Variants in SMCHD1 observed in about 807,000 individuals in gnomAD.
SMCHD1 encodes the protein structural maintenance of chromosomes flexible hinge domain containing 1, also known as structural maintenance of chromosomes flexible hinge domain-containing protein 1.
SMCHD1 carries 78 observed loss-of-function variants against 254.7 expected under a neutral mutation model. The observed-to-expected ratio is 0.31, with a 90% CI of 0.26 to 0.37. SMCHD1 has a LOEUF of 0.37. Ranked by LOEUF, SMCHD1 falls within the 10% of genes least tolerant of loss-of-function variation. The pLI is 1.00. For synonymous variants in SMCHD1, 766 were observed against 794.9 expected (o/e 0.96, Z 0.61); for missense variants, 1,840 against 2,408.1 (o/e 0.76, Z 4.94).
chr18:2,772,754 C>A (rs181375808), intron 41 of SMCHD1, among the ~76,000 whole-genome samples: 262 of 152,336 alleles, frequency 1.7e-3, no homozygotes, highest in Non-Finnish European at 3.3e-3. Context: ...CCTCAGCCCC[C>A]CAAGTAGCTG....
chr18:2,693,330 T>C (rs142045722), intron 7 of SMCHD1, among the ~76,000 whole-genome samples: 1 of 152,336 alleles, frequency 6.6e-6, no homozygotes, highest in East Asian at 1.9e-4. Flanking sequence ...TTTGTTGCTA[T>C]GTGAACATCA....
At chr18:2,657,668 ATG>A (rs1412388139) in intron 1 of SMCHD1, among the ~76,000 whole-genome samples, 4 of 152,178 alleles carry the variant, frequency 2.6e-5, no homozygotes, top group African/African-American at 9.6e-5. Context: ...TTACTAAAAT[ATG>A]TGTTTTATAT....
At chr18:2,787,685 T>C (rs1197820621) in intron 45 of SMCHD1, among the ~76,000 whole-genome samples, 1 of 152,226 alleles carries the variant, frequency 6.6e-6, no homozygotes, top group Non-Finnish European at 1.5e-5. Flanking sequence ...AGATGTCATA[T>C]TTAATAGTTG....
chr18:2,721,301 A>G (rs182545246), intron 19 of SMCHD1, among the ~76,000 whole-genome samples: 1 of 152,142 alleles, frequency 6.6e-6, no homozygotes, highest in East Asian at 1.9e-4. Flanking sequence ...GCTTTTGTAG[A>G]GTCATTGTTA....
chr18:2,662,997 A>T (rs2073338968), intron 1 of SMCHD1, among the ~76,000 whole-genome samples: 3 of 152,168 alleles, frequency 2.0e-5, no homozygotes, highest in Admixed American at 2.0e-4. Flanking sequence ...ATGGGCTCAG[A>T]ATTTAACATT....
intron 3 of SMCHD1, among the ~76,000 whole-genome samples, chr18:2,672,529 A>C (rs1161240776): frequency 6.6e-6 from 1 of 152,198 alleles, no homozygotes; most frequent in African/African-American, 2.4e-5. Context: ...TCCAGCGTGA[A>C]ATGCTACTTT....
chr18:2,721,352 C>G (rs1470384964), intron 19 of SMCHD1, among the ~76,000 whole-genome samples: 1 of 152,072 alleles, frequency 6.6e-6, no homozygotes, highest in African/African-American at 2.4e-5. Context: ...GCTGTGATAT[C>G]AAGAAGGCCC....
At chr18:2,739,390 A>C in intron 26 of SMCHD1, 42 bp from the exon 27 acceptor site, 1 of 1,426,616 alleles carries the variant, frequency 7.0e-7, no homozygotes. Flanking sequence ...TACTTCAATT[A>C]ATGGTGTCAC....
At position 2,724,893 on chromosome 18, in the gene SMCHD1, C is replaced by T; in HGVS notation, c.2604-6C>T. On this transcript the variant is annotated splice_region_variant and splice_polypyrimidine_tract_variant and intron_variant, in intron 20 of 47. Coordinates refer to ENST00000320876, the MANE Select transcript of SMCHD1 (RefSeq NM_015295.3). ...GGGGAGTTAAAAAATAATTTTTTTT[C>T]CCCAGTGGTTTATCTTTACATTATG... 1.3e-6 allele frequency: 2 copies of T among 1,534,402 alleles called. No individual in the cohort carries two copies. The highest frequency in any genetic ancestry group is 1.2e-5 in the South Asian group (1 of 81,038).
In SMCHD1 at chr18:2,740,653, A is replaced by G. The variant is rs371222240; in HGVS notation, c.3515-50A>G. 12 of 996,908 alleles carry G rather than the reference A, an allele frequency of 1.2e-5. No homozygotes were observed. The African/African-American group carries it at 1.8e-4, about 15-fold the overall frequency. 61.8% of individuals were successfully genotyped at this position (996,908 alleles called of 1,614,324 possible). A position where few individuals can be genotyped will look rare whatever the true frequency, so the allele number is the denominator to read the frequency against. ...TTTTTATAGTGTATTGTAGATATTT[A>G]TATCTTCTATTAAAAGATAATACTA... On this transcript the variant is annotated intron_variant, in intron 27 of 47. Coordinates refer to ENST00000320876, the MANE Select transcript of SMCHD1 (RefSeq NM_015295.3).
At chr18:2,771,652 A>G (rs377010440) in intron 40 of SMCHD1, 34 bp downstream of exon 40, 1 of 1,258,192 alleles carries the variant, frequency 7.9e-7, no homozygotes, top group East Asian at 2.8e-5. Context: ...AAGATTTTTT[A>G]TTAAAGTCTA....
chr18:2,777,066 C>CT (rs960663060), intron 42 of SMCHD1, among the ~76,000 whole-genome samples: 1 of 147,190 alleles, frequency 6.8e-6, no homozygotes, highest in African/African-American at 2.5e-5. Context: ...ACCACCTCCC[C>CT]CCCCCATACC....
intron 45 of SMCHD1, among the ~76,000 whole-genome samples, chr18:2,794,371 G>A (rs935962504): frequency 2.6e-5 from 4 of 151,970 alleles, no homozygotes; most frequent in Non-Finnish European, 4.4e-5. Flanking sequence ...CCTGTAATCC[G>A]AGCTATTGCC....
intron 1 of SMCHD1, among the ~76,000 whole-genome samples, chr18:2,663,785 C>T (rs1280479553): frequency 6.6e-6 from 1 of 151,614 alleles, no homozygotes; most frequent in African/African-American, 2.4e-5. Context: ...CGCGATCTCA[C>T]CTTACTGCCA....
intron 45 of SMCHD1, among the ~76,000 whole-genome samples, chr18:2,786,008 TTTC>T (rs1466887228): frequency 1.3e-5 from 2 of 152,258 alleles, no homozygotes; most frequent in African/African-American, 4.8e-5. Context: ...TATTTACTTT[TTTC>T]TTATTTTTTA....
At chr18:2,656,292 T>C in intron 1 of SMCHD1, 31 bp downstream of exon 1, 1 of 1,450,960 alleles carries the variant, frequency 6.9e-7, no homozygotes. Context: ...GGGATGCGCG[T>C]GTAGACTTGG....
intron 17 of SMCHD1, among the ~76,000 whole-genome samples, chr18:2,712,659 G>A (rs2074707491): frequency 1.3e-5 from 2 of 152,114 alleles, no homozygotes; most frequent in African/African-American, 2.4e-5. Context: ...GTATATCTTC[G>A]TTCTGCCCAT....
At chr18:2,784,016 A>G (rs2076200295) in intron 44 of SMCHD1, among the ~76,000 whole-genome samples, 1 of 152,196 alleles carries the variant, frequency 6.6e-6, no homozygotes, top group Non-Finnish European at 1.5e-5. Flanking sequence ...TGGAAGAGTC[A>G]GTCTAGTGCT....
At chr18:2,762,065 C>T in intron 35 of SMCHD1, 40 bp from the exon 36 acceptor site, 1 of 1,571,272 alleles carries the variant, frequency 6.4e-7, no homozygotes, top group Non-Finnish European at 8.7e-7. Context: ...GCTAAAGCAT[C>T]AATATATTGT....
Sources: gnomAD v4.1 joint callset for allele counts (sites outside exome capture counted in the v4.1 genomes callset) on GRCh38, gnomAD v4.1.1 for gene constraint, MANE v1.5 for transcripts, NCBI Gene and HGNC (gene_info 2026-07-23, HGNC 2026-07-21) for gene names.